Variants in GPR39 observed in about 807,000 individuals in gnomAD.
GPR39 encodes the protein zinc sensing receptor.
In GPR39, 23 loss-of-function variants were observed where a neutral mutation model predicts 18.4. The observed-to-expected ratio is 1.25, with a 90% CI of 0.90 to 1.77. The LOEUF is 1.77. GPR39 is among the 40% of genes most tolerant of loss of function. GPR39 has a pLI of 0.00. For synonymous variants in GPR39, 280 were observed against 257.9 expected (o/e 1.09, Z -0.82); for missense variants, 647 against 602.4 (o/e 1.07, Z -0.78).
intron 1 of GPR39, among the ~76,000 whole-genome samples, chr2:132,463,050 G>T (rs1680861872): frequency 6.6e-6 from 1 of 152,038 alleles, no homozygotes; most frequent in South Asian, 2.1e-4. Context: ...CATCCATTCA[G>T]TCAACAAATA....
chr2:132,562,079 C>A (rs1352257571), intron 1 of GPR39, among the ~76,000 whole-genome samples: 3 of 152,120 alleles, frequency 2.0e-5, no homozygotes, highest in Non-Finnish European at 4.4e-5. Flanking sequence ...TCACAGAGAA[C>A]TTTTAGCAAC....
chr2:132,633,501 G>T (rs1681690095), intron 1 of GPR39, among the ~76,000 whole-genome samples: 1 of 152,134 alleles, frequency 6.6e-6, no homozygotes, highest in South Asian at 2.1e-4. Context: ...CTGAATAGAA[G>T]AATAACCCTG....
chr2:132,432,622 A>G (rs1341728201), intron 1 of GPR39, among the ~76,000 whole-genome samples: 1 of 152,186 alleles, frequency 6.6e-6, no homozygotes, highest in Non-Finnish European at 1.5e-5. Flanking sequence ...TACTGTATCC[A>G]GAGATTAGGA....
chr2:132,526,020 G>A (rs1679501232), intron 1 of GPR39, among the ~76,000 whole-genome samples: 1 of 152,110 alleles, frequency 6.6e-6, no homozygotes, highest in African/African-American at 2.4e-5. Flanking sequence ...GAGCAAAAAG[G>A]TCTGTGATCC....
At chr2:132,515,875 T>G (rs2104762684) in intron 1 of GPR39, among the ~76,000 whole-genome samples, 1 of 152,326 alleles carries the variant, frequency 6.6e-6, no homozygotes, top group Non-Finnish European at 1.5e-5. Context: ...TGTCCTCTGA[T>G]TGTATTTCTG....
At chr2:132,544,713 G>T (rs552158613) in intron 1 of GPR39, among the ~76,000 whole-genome samples, 30 of 152,214 alleles carry the variant, frequency 2.0e-4, no homozygotes, top group Non-Finnish European at 3.5e-4. Flanking sequence ...TCTGTGTTCA[G>T]TGGTCCCTGA....
chr2:132,439,519 T>C (rs1368704825), intron 1 of GPR39, among the ~76,000 whole-genome samples: 6 of 152,204 alleles, frequency 3.9e-5, no homozygotes, highest in African/African-American at 1.4e-4. Flanking sequence ...ATTGTTCTTA[T>C]CTTTTCCATA....
intron 1 of GPR39, among the ~76,000 whole-genome samples, chr2:132,464,125 A>G (rs1680880750): frequency 6.6e-6 from 1 of 152,262 alleles, no homozygotes; most frequent in Non-Finnish European, 1.5e-5. Flanking sequence ...ATTAAAAATC[A>G]CGTAGTTCTT....
At chr2:132,475,209 C>T (rs573132590) in intron 1 of GPR39, among the ~76,000 whole-genome samples, 1 of 152,052 alleles carries the variant, frequency 6.6e-6, no homozygotes, top group East Asian at 1.9e-4. Flanking sequence ...CTTTCCTTTG[C>T]TGAGTAGTCT....
At position 132,503,370 on chromosome 2, in the gene GPR39, T is replaced by C. The variant is rs577042170; in HGVS notation, c.856+85472T>C. 1.2e-4 allele frequency among the ~76,000 whole-genome samples: 19 copies of C among 152,332 alleles called. No homozygotes were observed. The South Asian group carries it at 3.7e-3, about 30-fold the overall frequency. On this transcript the variant is annotated intron_variant, in intron 1 of 1. Transcript: ENST00000329321. ...GGGTCTAGCCACCTAGTAGAGCTAC[T>C]GGGCTCCTGGCTGGTACTGGGGAAT...
chr2:132,581,037 G>A (rs1181481650), intron 1 of GPR39, among the ~76,000 whole-genome samples: 1 of 148,256 alleles, frequency 6.7e-6, no homozygotes, highest in Non-Finnish European at 1.5e-5. Context: ...TTTTGTGGTA[G>A]TATAAAGATT....
At chr2:132,480,154 A>G (rs1417601500) in intron 1 of GPR39, among the ~76,000 whole-genome samples, 1 of 152,240 alleles carries the variant, frequency 6.6e-6, no homozygotes, top group Non-Finnish European at 1.5e-5. Context: ...AAATAAGTCA[A>G]TCACGAAAAG....
chr2:132,531,919 A>C (rs550327742), intron 1 of GPR39, among the ~76,000 whole-genome samples: 13 of 152,278 alleles, frequency 8.5e-5, no homozygotes, highest in South Asian at 4.1e-4. Flanking sequence ...AATTGACACC[A>C]TAACATCACA....
At chr2:132,534,150 AAAAC>A (rs1412332855) in intron 1 of GPR39, among the ~76,000 whole-genome samples, 1 of 152,016 alleles carries the variant, frequency 6.6e-6, no homozygotes, top group Non-Finnish European at 1.5e-5. Flanking sequence ...TTACAAGAAA[AAAAC>A]AACCCCATCA....
chr2:132,546,993 G>A (rs77518272), intron 1 of GPR39, among the ~76,000 whole-genome samples: 1 of 152,048 alleles, frequency 6.6e-6, no homozygotes, highest in East Asian at 1.9e-4. Context: ...TAATTCAAGG[G>A]GGTATTTTCA....
intron 1 of GPR39, among the ~76,000 whole-genome samples, chr2:132,597,886 C>G (rs1269467815): frequency 2.0e-5 from 3 of 152,190 alleles, no homozygotes; most frequent in Non-Finnish European, 4.4e-5. Context: ...TAGTGGGTCA[C>G]ACAGGGTCTC....
intron 1 of GPR39, among the ~76,000 whole-genome samples, chr2:132,592,745 G>A (rs757896005): frequency 1.3e-5 from 2 of 152,216 alleles, no homozygotes; most frequent in African/African-American, 4.8e-5. Context: ...GAAGTGATTG[G>A]ATGCTAAAAC....
At chr2:132,460,686 T>G (rs1311916191) in intron 1 of GPR39, among the ~76,000 whole-genome samples, 1 of 152,202 alleles carries the variant, frequency 6.6e-6, no homozygotes. Context: ...CATGATGGAT[T>G]TGAAGACTCT....
Position 132,491,480 on chromosome 2 carries a change from A to G in GPR39, c.856+73582A>G, listed in dbSNP as rs114096050. ...ACATTTTGTATTGCCTGGAAATGTT[A>G]GCACAATTCCTGGGATACAATAGAA... On this transcript the variant is annotated intron_variant, in intron 1 of 1. Transcript: ENST00000329321. Among the ~76,000 whole-genome samples the G allele has an allele frequency of 4.1e-3, 627 of 152,182 alleles. 3 individuals carry two copies. The highest frequency in any genetic ancestry group is 0.015 in the African/African-American group (607 of 41,502).
Sources: gnomAD v4.1 joint callset for allele counts (sites outside exome capture counted in the v4.1 genomes callset) on GRCh38, gnomAD v4.1.1 for gene constraint, MANE v1.5 for transcripts, NCBI Gene and HGNC (gene_info 2026-07-23, HGNC 2026-07-21) for gene names.